The following PELI2 variants were observed in gnomAD, a reference collection of about 807,000 sequenced individuals.
The protein encoded by PELI2 is pellino E3 ubiquitin protein ligase family member 2, also known as E3 ubiquitin-protein ligase pellino homolog 2.
Under a neutral mutation model 42.3 loss-of-function variants are expected in PELI2, and 23 were observed. The observed-to-expected ratio is 0.54, with a 90% CI of 0.39 to 0.77. The LOEUF is 0.77. Among genes scored for constraint, PELI2 ranks in the 30% least tolerant of loss-of-function variants. The probability of loss-of-function intolerance (pLI) is 0.00; values close to 1 mark genes in which losing one functional copy is unlikely to be tolerated. For synonymous variants in PELI2, 245 were observed against 212.2 expected (o/e 1.15, Z -1.34); for missense variants, 463 against 553.2 (o/e 0.84, Z 1.64).
Position 56,297,057 on chromosome 14 carries a change from C to T in PELI2, c.1154C>T (p.Pro385Leu), listed in dbSNP as rs942611969. The change falls in exon 6 of 6, where the codon CCG becomes CTG. Residue 385 changes from proline to leucine, a missense_variant. Physicochemically the swap from Pro to Leu is moderately conservative, Grantham distance 98. Transcript: ENST00000267460. ...EKSAKYWSQIPLPHGTHAFHA... is the reference protein window; with the variant it reads ...EKSAKYWSQILLPHGTHAFHA... Reference sequence around the variant, plus strand: ...TCTGCAAAATACTGGTCTCAGATCCCGTTGCCTCATGGAACTCATGCATTT... The same window carrying T: ...TCTGCAAAATACTGGTCTCAGATCCTGTTGCCTCATGGAACTCATGCATTT... 6.2e-6 allele frequency: 10 copies of T among 1,613,238 alleles called. No homozygotes were observed. The highest frequency in any genetic ancestry group is 3.3e-5 in the Admixed American group (2 of 60,002).
chr14:56,149,788 T>C (rs952365167), intron 1 of PELI2, among the ~76,000 whole-genome samples: 4 of 152,222 alleles, frequency 2.6e-5, no homozygotes, highest in Admixed American at 6.5e-5. Context: ...TTATTCTTGA[T>C]CTAAAAGCTC....
chr14:56,252,715 A>G (rs1888389148), intron 2 of PELI2, among the ~76,000 whole-genome samples: 1 of 152,186 alleles, frequency 6.6e-6, no homozygotes, highest in African/African-American at 2.4e-5. Flanking sequence ...GCAGTAATTA[A>G]TATCCTACCA....
At chr14:56,269,086 T>C (rs992173490) in intron 2 of PELI2, among the ~76,000 whole-genome samples, 8 of 152,198 alleles carry the variant, frequency 5.3e-5, no homozygotes, top group African/African-American at 7.2e-5. Context: ...AGCATTCTTA[T>C]GTGGGAAAGC....
intron 1 of PELI2, among the ~76,000 whole-genome samples, chr14:56,127,146 A>G (rs894942250): frequency 5.9e-5 from 9 of 152,158 alleles, no homozygotes; most frequent in East Asian, 1.9e-4. Flanking sequence ...TTAATCTCCA[A>G]TATTATCTGA....
intron 1 of PELI2, among the ~76,000 whole-genome samples, chr14:56,152,450 G>T (rs1456963156): frequency 6.6e-6 from 1 of 152,104 alleles, no homozygotes; most frequent in Non-Finnish European, 1.5e-5. Context: ...AGTATTGAGG[G>T]ACAATTAACA....
At chr14:56,241,942 A>G (rs1351492576) in intron 2 of PELI2, among the ~76,000 whole-genome samples, 2 of 152,190 alleles carry the variant, frequency 1.3e-5, no homozygotes, top group African/African-American at 4.8e-5. Flanking sequence ...GGAGCAAAAT[A>G]AAGAGGAAGA....
In PELI2 at chr14:56,197,417, A is replaced by G. The variant is rs1037655989; in HGVS notation, c.207+18953A>G. ...TTGGAGCTTGGGATGAGATGAGGGT[A>G]CAGTCAAGTCTTGTTCATGGGCCTT... On this transcript the variant is annotated intron_variant, in intron 2 of 5. Coordinates refer to ENST00000267460, the MANE Select transcript of PELI2 (RefSeq NM_021255.3). The surrounding 1 kb of genome is among the most constrained non-coding windows in gnomAD (Gnocchi z 4.9). Among the ~76,000 whole-genome samples the G allele has an allele frequency of 1.3e-5, 2 of 152,090 alleles. No homozygotes were observed. Among genetic ancestry groups the G allele is most frequent in the Non-Finnish European group, 2.9e-5 (2 of 68,016 alleles).
At chr14:56,290,019 G>A (rs920867514) in intron 4 of PELI2, among the ~76,000 whole-genome samples, 1 of 152,134 alleles carries the variant, frequency 6.6e-6, no homozygotes, top group African/African-American at 2.4e-5. Flanking sequence ...CCCAGGCCTC[G>A]ATTTTTTGCA....
chr14:56,264,002 A>G (rs1415976217), intron 2 of PELI2, among the ~76,000 whole-genome samples: 2 of 152,206 alleles, frequency 1.3e-5, no homozygotes, highest in Non-Finnish European at 2.9e-5. Flanking sequence ...CACAGATTCC[A>G]TATTTACACA....
chr14:56,265,794 A>G (rs1428332719), intron 2 of PELI2, among the ~76,000 whole-genome samples: 1 of 152,104 alleles, frequency 6.6e-6, no homozygotes, highest in African/African-American at 2.4e-5. Flanking sequence ...AATTGAACAG[A>G]GACTTCCCCA....
chr14:56,296,621 C>G lies in PELI2; in HGVS notation c.718C>G (p.Leu240Val). The G allele has an allele frequency of 6.2e-7, 1 of 1,608,082 alleles. No individual in the cohort carries two copies. The highest frequency in any genetic ancestry group is 1.1e-5 in the South Asian group (1 of 90,798). ...GKLVESETNVLQDGSLIDLCG... is the reference protein window; with the variant it reads ...GKLVESETNVVQDGSLIDLCG... ...GTAGGTGGAAAGTGAGACCAACGTC[C>G]TGCAGGACGGCTCCCTCATTGACCT... is the stretch of plus-strand genomic sequence containing the variant. The change falls in exon 6 of 6, where the codon CTG becomes GTG. Residue 240 changes from leucine to valine, a missense_variant. Physicochemically the swap from Leu to Val is conservative, Grantham distance 32. Transcript: ENST00000267460.
In PELI2 at chr14:56,252,322, C is replaced by A. The variant is rs527977850; in HGVS notation, c.208-27354C>A. On this transcript the variant is annotated intron_variant, in intron 2 of 5. Transcript: ENST00000267460. ...AGAGGTGTTCCTATACCTTGTTCAT[C>A]AATATCACAATGTCTTACTGGGACA... Among the ~76,000 whole-genome samples, 17 of 152,308 alleles carry A rather than the reference C, an allele frequency of 1.1e-4. 1 individual carries two copies. In the East Asian group the frequency reaches 3.3e-3, roughly 29 times the overall value.
At chr14:56,138,780 A>G (rs1253160006) in intron 1 of PELI2, among the ~76,000 whole-genome samples, 1 of 152,248 alleles carries the variant, frequency 6.6e-6, no homozygotes, top group East Asian at 1.9e-4. Flanking sequence ...TTGTCAGTCT[A>G]GTAATGTCTG....
intron 1 of PELI2, among the ~76,000 whole-genome samples, chr14:56,149,745 T>C (rs1263255068): frequency 1.3e-5 from 2 of 152,226 alleles, no homozygotes; most frequent in Admixed American, 1.3e-4. Flanking sequence ...AAAAATATCT[T>C]AAAATCTCTA....
intron 1 of PELI2, 85 bp from the exon 2 acceptor site, chr14:56,178,249 CT>C: frequency 7.1e-7 from 1 of 1,416,272 alleles, no homozygotes; most frequent in Non-Finnish European, 9.8e-7. Flanking sequence ...CCATTCCTGT[CT>C]TTTCCCTTAT....
Position 56,170,155 on chromosome 14 carries a change from A to C in PELI2, c.78-8180A>C, listed in dbSNP as rs185447487. 5.9e-3 allele frequency among the ~76,000 whole-genome samples: 901 copies of C among 152,328 alleles called. 4 individuals are homozygous for C. Among genetic ancestry groups the C allele is most frequent in the African/African-American group, 0.017 (700 of 41,570 alleles). ...CTTGTGATTTGTTGGTGCAAGTGAC[A>C]GAGCAGTTGCTTTGGAAGGAAGGCG... On this transcript the variant is annotated intron_variant, in intron 1 of 5. Transcript: ENST00000267460.
chr14:56,221,411 G>A (rs1376409152), intron 2 of PELI2, among the ~76,000 whole-genome samples: 3 of 152,160 alleles, frequency 2.0e-5, no homozygotes, highest in South Asian at 2.1e-4. Context: ...TCTAGGAATA[G>A]GCACATGGTT....
At chr14:56,175,257 A>G (rs893720161) in intron 1 of PELI2, among the ~76,000 whole-genome samples, 1 of 152,126 alleles carries the variant, frequency 6.6e-6, no homozygotes, top group African/African-American at 2.4e-5. Flanking sequence ...CGGCCTCCCA[A>G]AGTGCTGGAA....
At chr14:56,193,090 C>G (rs531450280) in intron 2 of PELI2, among the ~76,000 whole-genome samples, 3 of 152,284 alleles carry the variant, frequency 2.0e-5, no homozygotes, top group African/African-American at 7.2e-5. Flanking sequence ...TTAAATCAGG[C>G]TTTGTGGAAA....
Sources: gnomAD v4.1 joint callset for allele counts (sites outside exome capture counted in the v4.1 genomes callset) on GRCh38, gnomAD v4.1.1 for gene constraint, Gnocchi (gnomAD v3.1) non-coding constraint, MANE v1.5 for transcripts, NCBI Gene and HGNC (gene_info 2026-07-23, HGNC 2026-07-21) for gene names.